Variants in JHY observed in about 807,000 individuals in gnomAD.
JHY encodes jhy protein homolog.
Under a neutral mutation model 78.0 loss-of-function variants are expected in JHY, and 69 were observed. The observed-to-expected ratio is 0.88, with a 90% CI of 0.73 to 1.08. JHY has a LOEUF of 1.08. Among genes scored for constraint, JHY ranks in the 50% least tolerant of loss-of-function variants. JHY has a pLI of 0.00. For synonymous variants in JHY, 368 were observed against 342.6 expected, an observed-to-expected ratio of 1.07 and a Z score of -0.82; for missense variants, 944 against 927.8, an observed-to-expected ratio of 1.02 and a Z score of -0.23.
intron 2 of JHY, among the ~76,000 whole-genome samples, chr11:122,887,736 G>A (rs763838412): frequency 3.3e-5 from 5 of 152,124 alleles, no homozygotes; most frequent in Non-Finnish European, 5.9e-5. Flanking sequence ...AAGAGAATGG[G>A]AGTGACATGT....
intron 3 of JHY, among the ~76,000 whole-genome samples, chr11:122,913,709 C>T (rs1038872379): frequency 6.6e-6 from 1 of 152,138 alleles, no homozygotes; most frequent in Admixed American, 6.5e-5. Flanking sequence ...ATCCTCCTTC[C>T]AGTACCTCCC....
At position 122,946,945 on chromosome 11, in the gene JHY, C is replaced by T. The variant is rs1360485195; in HGVS notation, c.1929+153C>T. 3 of 788,802 alleles carry T rather than the reference C, an allele frequency of 3.8e-6. No individual in the cohort carries two copies. In the African/African-American group the frequency reaches 5.4e-5, roughly 14 times the overall value. The allele number at this position is 788,802 out of a possible 1,614,324, so 48.9% of individuals were successfully genotyped here. A position where few individuals can be genotyped will look rare whatever the true frequency, so the allele number is the denominator to read the frequency against. ...TCCTAAGGAGTTTCTTACTCCTGCCCCTGCTACTCCCTGGGGTTTCCCTCC... is the reference window on the plus strand; with the variant it reads ...TCCTAAGGAGTTTCTTACTCCTGCCTCTGCTACTCCCTGGGGTTTCCCTCC... On this transcript the variant is annotated intron_variant, in intron 6 of 8. Transcript: ENST00000227349.
rs758551659 is a variant in JHY, at chr11:122,904,378, C to T, written c.798C>T (p.Pro266=). 17 of 1,614,120 alleles carry T rather than the reference C, an allele frequency of 1.1e-5. No individual in the cohort carries two copies. Among genetic ancestry groups the T allele is most frequent in the South Asian group, 9.9e-5 (9 of 91,068 alleles). The change falls in exon 3 of 9, where the codon CCC becomes CCT. Residue 266 remains proline (P), a synonymous_variant. Coordinates refer to ENST00000227349, the MANE Select transcript of JHY (RefSeq NM_024806.4). ...AAAACAAGCTCACTTTGGGATTACC[C>T]ACCCCGAAAACGGACTCTTATCTTC... ...VEKNKLTLGL[P]TPKTDSYLQL...
chr11:122,940,000 T>C (rs1863839535), intron 5 of JHY, among the ~76,000 whole-genome samples: 1 of 151,608 alleles, frequency 6.6e-6, no homozygotes. Context: ...GTATTCAGTG[T>C]TCATACATTT....
At chr11:122,890,463 G>A (rs1171525587) in intron 2 of JHY, among the ~76,000 whole-genome samples, 1 of 152,122 alleles carries the variant, frequency 6.6e-6, no homozygotes, top group Non-Finnish European at 1.5e-5. Context: ...TAATAAATGG[G>A]AGTAGTTTTA....
intron 4 of JHY, among the ~76,000 whole-genome samples, chr11:122,925,391 C>T (rs1307394093): frequency 6.6e-6 from 1 of 152,192 alleles, no homozygotes; most frequent in Non-Finnish European, 1.5e-5. Context: ...TATTCCTAGA[C>T]AATGGGGACA....
chr11:122,949,763 G>T (rs1864045977), intron 6 of JHY, among the ~76,000 whole-genome samples: 1 of 152,042 alleles, frequency 6.6e-6, no homozygotes, highest in African/African-American at 2.4e-5. Flanking sequence ...TCTGCAACTA[G>T]TGACTTGGAG....
At chr11:122,948,299 C>T (rs1057129739) in intron 6 of JHY, among the ~76,000 whole-genome samples, 15 of 151,952 alleles carry the variant, frequency 9.9e-5, no homozygotes, top group South Asian at 2.1e-4. Flanking sequence ...AAAAATTAGC[C>T]GGGCATGGTG....
At chr11:122,894,682 T>C (rs1257843824) in intron 2 of JHY, among the ~76,000 whole-genome samples, 1 of 152,252 alleles carries the variant, frequency 6.6e-6, no homozygotes, top group Non-Finnish European at 1.5e-5. Context: ...TCACAGATTG[T>C]TCTTGAATCA....
At position 122,962,281 on chromosome 11, in the gene JHY, C is replaced by T. The variant is rs887595422; in HGVS notation, c.*2836C>T. Among the ~76,000 whole-genome samples the T allele has an allele frequency of 4.1e-5, 6 of 145,936 alleles. No homozygotes were observed. Among genetic ancestry groups the T allele is most frequent in the East Asian group, 1.9e-4 (1 of 5,144 alleles). On this transcript the variant is annotated 3_prime_UTR_variant, in exon 9 of 9. Coordinates refer to ENST00000227349, the MANE Select transcript of JHY (RefSeq NM_024806.4). Reference sequence around the variant, plus strand: ...TTTGGGGAAAATCTGTTTATCTATACGTGTGGTGTAAGGACTAGCTTTGGA... The same window carrying T: ...TTTGGGGAAAATCTGTTTATCTATATGTGTGGTGTAAGGACTAGCTTTGGA...
intron 4 of JHY, among the ~76,000 whole-genome samples, chr11:122,925,523 T>A (rs1342970776): frequency 6.6e-6 from 1 of 152,206 alleles, no homozygotes; most frequent in South Asian, 2.1e-4. Flanking sequence ...GGTTTACTAC[T>A]TTGAAATCAT....
Position 122,935,579 on chromosome 11 carries a change from G to A in JHY, c.1634+504G>A, listed in dbSNP as rs556980618. Among the ~76,000 whole-genome samples the A allele has an allele frequency of 1.6e-4, 24 of 152,106 alleles. No homozygotes were observed. Among genetic ancestry groups the A allele is most frequent in the African/African-American group, 5.3e-4 (22 of 41,494 alleles). On this transcript the variant is annotated intron_variant, in intron 5 of 8. Transcript: ENST00000227349. This position sits in a 1 kb window ranked among gnomAD's most constrained non-coding sequence, Gnocchi z 4.5. ...ATTTCTTTTCCTCTTCCCTGTCTCC[G>A]CTATTTTTCCACTGTAGTTAAACTA...
chr11:122,883,834 A>G lies in JHY; in HGVS notation c.-90+862A>G, dbSNP rs1200864102. The stretch of plus-strand genomic sequence containing the variant: ...TACTGTTTTATTTTTTATTCATTCC[A>G]AGAAAGCTTAGCCTATTTCATTTAA... On this transcript the variant is annotated intron_variant, in intron 1 of 8. Transcript: ENST00000227349. The surrounding 1 kb of genome is among the most constrained non-coding windows in gnomAD (Gnocchi z 4.4). 1.3e-5 allele frequency among the ~76,000 whole-genome samples: 2 copies of G among 152,166 alleles called. No homozygotes were observed. Among genetic ancestry groups the G allele is most frequent in the Admixed American group, 6.5e-5 (1 of 15,286 alleles).
rs1161580158 is a variant in JHY, at chr11:122,956,592, A to G, written c.2010+16A>G. 5 of 1,610,658 alleles carry G rather than the reference A, an allele frequency of 3.1e-6. No individual in the cohort carries two copies. Among genetic ancestry groups the G allele is most frequent in the Admixed American group, 3.3e-5 (2 of 59,846 alleles). ...CAGAGACAAAGTGAGTGAGATGCAC[A>G]TACAGTGTTTCCAGACCTGACTCAG... is the stretch of plus-strand genomic sequence containing the variant. On this transcript the variant is annotated intron_variant, in intron 7 of 8. Coordinates refer to ENST00000227349, the MANE Select transcript of JHY (RefSeq NM_024806.4).
intron 3 of JHY, among the ~76,000 whole-genome samples, chr11:122,922,666 C>G (rs370388798): frequency 1.9e-4 from 29 of 151,844 alleles, no homozygotes; most frequent in African/African-American, 7.0e-4. Flanking sequence ...AAAAATTAGC[C>G]GGGGGTGGTG....
intron 3 of JHY, among the ~76,000 whole-genome samples, chr11:122,915,991 G>A (rs1863225657): frequency 6.6e-6 from 1 of 151,900 alleles, no homozygotes; most frequent in African/African-American, 2.4e-5. Context: ...AGATTTCATG[G>A]AGGTAAAAGG....
rs549434905 is a variant in JHY, at chr11:122,926,907, A to C, written c.978+1897A>C. 1.5e-3 allele frequency: 233 copies of C among 152,340 alleles called. 1 individual carries two copies. The highest frequency in any genetic ancestry group is 5.2e-3 in the African/African-American group (218 of 41,578). The allele number at this position is 152,340 out of a possible 1,614,324, so 9.4% of individuals were successfully genotyped here. On this transcript the variant is annotated intron_variant, in intron 4 of 8. Transcript: ENST00000227349. ...TAGAATTCTATGACCATGCATTTCT[A>C]GTTATTTAAATTATTATAGAAAAAT...
At chr11:122,896,726 GGGAC>G in intron 2 of JHY, among the ~76,000 whole-genome samples, 1 of 152,308 alleles carries the variant, frequency 6.6e-6, no homozygotes, top group African/African-American at 2.4e-5. Flanking sequence ...TTATGTCACG[GGGAC>G]TGAATGTGAC....
rs1266883379 is a variant in JHY, at chr11:122,960,097, G to A, written c.*652G>A. Among the ~76,000 whole-genome samples the A allele has an allele frequency of 1.3e-5, 2 of 152,088 alleles. 1 individual carries two copies. Among genetic ancestry groups the A allele is most frequent in the Non-Finnish European group, 2.9e-5 (2 of 68,018 alleles). ...AAAAATACAAAAATTAGCTAGGCGT[G>A]GTGGCGCATGTCTATAGTTCCAGGT... On this transcript the variant is annotated 3_prime_UTR_variant, in exon 9 of 9. Coordinates refer to ENST00000227349, the MANE Select transcript of JHY (RefSeq NM_024806.4).
Sources: allele counts gnomAD v4.1 joint callset (sites outside exome capture counted in the v4.1 genomes callset), GRCh38; gene constraint gnomAD v4.1.1; non-coding constraint Gnocchi (gnomAD v3.1); transcripts MANE v1.5; gene names NCBI Gene and HGNC (gene_info 2026-07-23, HGNC 2026-07-21).